Variants in TRIM2 observed in about 807,000 individuals in gnomAD.
The protein encoded by TRIM2 is tripartite motif containing 2, also known as tripartite motif-containing protein 2.
In TRIM2, 20 loss-of-function variants were observed where a neutral mutation model predicts 75.2. The observed-to-expected ratio is 0.27, with a 90% confidence interval of 0.19 to 0.39. The LOEUF (loss-of-function observed/expected upper bound fraction) is 0.39. TRIM2 is among the 10% of genes least tolerant of loss of function. TRIM2 has a pLI of 1.00. For synonymous variants in TRIM2, 373 were observed against 388.3 expected, an observed-to-expected ratio of 0.96 and a Z score of 0.46; for missense variants, 660 against 990.8, an observed-to-expected ratio of 0.67 and a Z score of 4.48.
At chr4:153,241,736 T>C (rs1746676794) in intron 1 of TRIM2, among the ~76,000 whole-genome samples, 3 of 152,160 alleles carry the variant, frequency 2.0e-5, no homozygotes, top group Admixed American at 1.3e-4. Context: ...CGGCCTCCTT[T>C]TCTGAACTTA....
At chr4:153,220,614 T>C (rs76923812) in intron 1 of TRIM2, among the ~76,000 whole-genome samples, 2,549 of 152,294 alleles carry the variant, frequency 0.017, 63 homozygotes, top group African/African-American at 0.057. Context: ...AGTGTTGGTT[T>C]TGCAACAATG....
chr4:153,244,349 T>TCTTCCTCTTCCTCTTCC (rs1748042751), intron 1 of TRIM2, among the ~76,000 whole-genome samples: 3 of 30,478 alleles, frequency 9.8e-5, no homozygotes, highest in East Asian at 5.8e-4. Flanking sequence ...CTTCTTCTTC[T>TCTTCCTCTTCCTCTTCC]TCTTCCTCTT....
chr4:153,172,597 C>G (rs1028364288), intron 1 of TRIM2, among the ~76,000 whole-genome samples: 1 of 152,178 alleles, frequency 6.6e-6, no homozygotes, highest in Non-Finnish European at 1.5e-5. Flanking sequence ...TCATTCAGCG[C>G]AAATGTGTAC....
chr4:153,192,529 C>A lies in TRIM2; in HGVS notation c.-49+39259C>A, dbSNP rs560376077. On this transcript the variant is annotated intron_variant, in intron 1 of 11. Transcript: ENST00000437508. ...GACTGAGGTGGGAGGACCACCTGAG[C>A]CTGGAAGGTCAAGTTTACGGTGAGC... 5.3e-5 allele frequency among the ~76,000 whole-genome samples: 8 copies of A among 150,464 alleles called. No individual in the cohort carries two copies. The South Asian group carries it at 1.7e-3, about 32-fold the overall frequency.
intron 1 of TRIM2, among the ~76,000 whole-genome samples, chr4:153,177,722 C>CTTCT (rs1376058552): frequency 6.7e-6 from 1 of 149,196 alleles, no homozygotes; most frequent in African/African-American, 2.5e-5. Context: ...TCCTTCCTTC[C>CTTCT]TTCCTTCCTT....
At chr4:153,172,614 C>T (rs1302522800) in intron 1 of TRIM2, among the ~76,000 whole-genome samples, 1 of 152,160 alleles carries the variant, frequency 6.6e-6, no homozygotes, top group African/African-American at 2.4e-5. Context: ...GTACTGAATG[C>T]CCACTGTGTG....
At chr4:153,245,034 C>T (rs1054397649) in intron 1 of TRIM2, among the ~76,000 whole-genome samples, 1 of 152,162 alleles carries the variant, frequency 6.6e-6, no homozygotes, top group Non-Finnish European at 1.5e-5. Flanking sequence ...ATCTAGGGGG[C>T]TTGTGACCCT....
intron 1 of TRIM2, among the ~76,000 whole-genome samples, chr4:153,164,102 A>G (rs926175697): frequency 2.0e-5 from 3 of 152,148 alleles, no homozygotes; most frequent in African/African-American, 7.2e-5. Flanking sequence ...CTTTGTTTTA[A>G]TAACTTTTTA....
rs1438041766 is a variant in TRIM2 at position 153,293,136 on chromosome 4, G to A, written c.605+3G>A. ...CAGCTGGATGCTGTCAACAAAAGGT[G>A]GGGGACCCCTCCCCAAACCCCCAAC... On this transcript the variant is annotated splice_donor_region_variant and intron_variant, in intron 4 of 11. Transcript: ENST00000338700. 17 of 1,600,696 alleles carry A rather than the reference G, an allele frequency of 1.1e-5. No individual in the cohort carries two copies. Among genetic ancestry groups the A allele is most frequent in the Non-Finnish European group, 1.5e-5 (17 of 1,170,234 alleles).
chr4:153,307,430 C>A (rs1765255406), intron 6 of TRIM2, among the ~76,000 whole-genome samples: 1 of 149,702 alleles, frequency 6.7e-6, no homozygotes, highest in South Asian at 2.1e-4. Flanking sequence ...AATTCAGAGA[C>A]TTTACAGGAA....
At chr4:153,242,586 T>C (rs1360494570) in intron 1 of TRIM2, among the ~76,000 whole-genome samples, 1 of 152,220 alleles carries the variant, frequency 6.6e-6, no homozygotes. Flanking sequence ...TATTTGCTAT[T>C]CCTCAGCATC....
At chr4:153,298,673 A>AT (rs1033607266) in intron 6 of TRIM2, among the ~76,000 whole-genome samples, 1 of 152,012 alleles carries the variant, frequency 6.6e-6, no homozygotes, top group Non-Finnish European at 1.5e-5. Flanking sequence ...ATATTGATCA[A>AT]TTTTTTTATA....
chr4:153,213,067 GACTA>G (rs1737502438), intron 1 of TRIM2, among the ~76,000 whole-genome samples: 1 of 152,178 alleles, frequency 6.6e-6, no homozygotes, highest in Non-Finnish European at 1.5e-5. Context: ...TAAGTGGAGA[GACTA>G]ACTGATGAAG....
At chr4:153,267,623 C>A (rs907887541) in intron 1 of TRIM2, among the ~76,000 whole-genome samples, 1 of 152,084 alleles carries the variant, frequency 6.6e-6, no homozygotes, top group Non-Finnish European at 1.5e-5. Flanking sequence ...TGCACTCCAG[C>A]CTGGGTGACA....
Position 153,204,519 on chromosome 4 carries a change from C to T in TRIM2, c.-12C>T, listed in dbSNP as rs776863462. 6 of 1,551,726 alleles carry T rather than the reference C, an allele frequency of 3.9e-6. No homozygotes were observed. The highest frequency in any genetic ancestry group is 3.6e-5 in the South Asian group (3 of 84,054). Reference sequence around the variant, plus strand: ...AAGTCCCCAGATTGGAGGAGGCTGGCTCTGGTCTTCGATGCACAGGAGTGG... The same window carrying T: ...AAGTCCCCAGATTGGAGGAGGCTGGTTCTGGTCTTCGATGCACAGGAGTGG... On this transcript the variant is annotated 5_prime_UTR_variant, in exon 1 of 12. Transcript: ENST00000338700.
chr4:153,317,914 T>C (rs1436591357), intron 8 of TRIM2, among the ~76,000 whole-genome samples: 7 of 152,034 alleles, frequency 4.6e-5, no homozygotes, highest in Non-Finnish European at 8.8e-5. Context: ...CACCCGTGAC[T>C]ACACCTGTGC....
At chr4:153,170,223 A>G (rs945742190) in intron 1 of TRIM2, among the ~76,000 whole-genome samples, 1 of 152,250 alleles carries the variant, frequency 6.6e-6, no homozygotes, top group African/African-American at 2.4e-5. Flanking sequence ...TCAGTTATAC[A>G]GTAACTTTCA....
At position 153,322,724 on chromosome 4, in the gene TRIM2, A is replaced by G; in HGVS notation, c.1859A>G (p.Asp620Gly). ...VDRNGHIIVV[D>G]NKACCVFIFQ... ...CGCAATGGGCACATTATTGTTGTGG[A>G]CAACAAGGCGTGCTGCGTGTTTATC... The change falls in exon 9 of 12, where the codon GAC becomes GGC. Residue 620 changes from aspartate (D) to glycine (G), a missense_variant. Physicochemically the swap from Asp to Gly is moderately conservative, Grantham distance 94. Transcript: ENST00000338700. 6.2e-7 allele frequency: 1 copy of G among 1,614,242 alleles called. No homozygotes were observed. The highest frequency in any genetic ancestry group is 8.5e-7 in the Non-Finnish European group (1 of 1,180,038).
chr4:153,255,260 T>A (rs13149594), intron 1 of TRIM2, among the ~76,000 whole-genome samples: 1 of 152,060 alleles, frequency 6.6e-6, no homozygotes, highest in Non-Finnish European at 1.5e-5. Flanking sequence ...GAATGAATGA[T>A]TGAATGAGTA....
Sources: allele counts gnomAD v4.1 joint callset (sites outside exome capture counted in the v4.1 genomes callset), GRCh38; gene constraint gnomAD v4.1.1; transcripts MANE v1.5; gene names NCBI Gene and HGNC (gene_info 2026-07-23, HGNC 2026-07-21).